Variants in DNAH7 observed in about 807,000 individuals in gnomAD.
DNAH7 encodes the protein axonemal beta dynein heavy chain 7.
Under a neutral mutation model 444.6 loss-of-function variants are expected in DNAH7, and 397 were observed. The observed-to-expected ratio is 0.89, with a 90% CI of 0.82 to 0.97. The LOEUF is 0.97. Ranked by LOEUF, DNAH7 falls within the 50% of genes least tolerant of loss-of-function variation. The pLI is 0.00. For synonymous variants in DNAH7, 1,636 were observed against 1,624.4 expected (o/e 1.01, Z -0.17); for missense variants, 4,902 against 4,800.8 (o/e 1.02, Z -0.62).
chr2:195,909,993 T>C, intron 25 of DNAH7, 34 bp downstream of exon 25: 6 of 1,583,808 alleles, frequency 3.8e-6, no homozygotes, highest in Non-Finnish European at 5.2e-6. Flanking sequence ...TGATCAGTTA[T>C]CCTGTTGTAA....
chr2:195,802,248 C>T (rs753194249), intron 54 of DNAH7, among the ~76,000 whole-genome samples: 3 of 152,192 alleles, frequency 2.0e-5, no homozygotes, highest in Non-Finnish European at 4.4e-5. Flanking sequence ...TGGTGGCTCA[C>T]ACCTGTGATC....
chr2:196,024,996 T>C (rs932201240), intron 7 of DNAH7, among the ~76,000 whole-genome samples: 4 of 152,092 alleles, frequency 2.6e-5, no homozygotes, highest in African/African-American at 7.2e-5. Context: ...CAAATAAAAA[T>C]ATACAGTGTA....
intron 31 of DNAH7, among the ~76,000 whole-genome samples, chr2:195,889,798 G>A (rs1009115164): frequency 6.6e-6 from 1 of 152,078 alleles, no homozygotes; most frequent in African/African-American, 2.4e-5. Context: ...TTCACTGAAT[G>A]AATTCACACA....
chr2:195,834,498 T>A lies in DNAH7; in HGVS notation c.8946-138A>T, dbSNP rs567164389. The A allele has an allele frequency of 3.1e-6, 3 of 965,168 alleles. No homozygotes were observed. In the East Asian group the frequency reaches 8.0e-5, roughly 26 times the overall value. The allele number at this position is 965,168 out of a possible 1,614,324, so 59.8% of individuals were successfully genotyped here. A position where few individuals can be genotyped will look rare whatever the true frequency, so the allele number is the denominator to read the frequency against. ...TTACTTTTTAACTTATGAGAAACTA[T>A]GTTCTTAAAACAGAGACGTGTAGAT... On this transcript the variant is annotated intron_variant, in intron 47 of 64. Coordinates refer to ENST00000312428, the MANE Select transcript of DNAH7 (RefSeq NM_018897.3).
rs1315953058 is a variant in DNAH7 at position 195,799,475 on chromosome 2, A to AGTTG, written c.10177-4_10177-3insCAAC. On this transcript the variant is annotated splice_region_variant and splice_polypyrimidine_tract_variant and intron_variant, in intron 54 of 64. Transcript: ENST00000312428. The stretch of plus-strand genomic sequence containing the variant: ...AATTCCTGCAACATTGGAATAACCT[A>AGTTG]GAAAGAGACAAGGATATAGTTGGAA... The AGTTG allele has an allele frequency of 1.0e-5, 16 of 1,590,240 alleles. No homozygotes were observed. The highest frequency in any genetic ancestry group is 1.4e-5 in the Non-Finnish European group (16 of 1,169,602).
intron 61 of DNAH7, among the ~76,000 whole-genome samples, chr2:195,762,288 C>A (rs890469952): frequency 6.6e-6 from 1 of 151,916 alleles, no homozygotes. Flanking sequence ...AACATACTAC[C>A]AGAGAAAAAT....
chr2:195,905,590 C>CCA (rs1686965108), intron 27 of DNAH7: 1 of 152,018 alleles, frequency 6.6e-6, no homozygotes. Context: ...GGTTTTGGAT[C>CCA]CACAATTACT....
chr2:195,797,759 T>C (rs1000937997), intron 55 of DNAH7, among the ~76,000 whole-genome samples: 1 of 152,188 alleles, frequency 6.6e-6, no homozygotes, highest in Non-Finnish European at 1.5e-5. Context: ...TTATAAATTA[T>C]AGGTCAGATC....
At chr2:195,940,964 C>T (rs1486289622) in intron 19 of DNAH7, among the ~76,000 whole-genome samples, 8 of 152,112 alleles carry the variant, frequency 5.3e-5, no homozygotes, top group South Asian at 2.1e-4. Flanking sequence ...GACAGTGTGG[C>T]GATTCCTCAA....
At chr2:196,011,068 G>A (rs1694703837) in intron 10 of DNAH7, among the ~76,000 whole-genome samples, 1 of 152,064 alleles carries the variant, frequency 6.6e-6, no homozygotes, top group African/African-American at 2.4e-5. Context: ...GTTGATAGAA[G>A]GAATAAGTTC....
At chr2:195,754,687 A>G (rs748784929) in intron 62 of DNAH7, among the ~76,000 whole-genome samples, 173 bp from the exon 63 acceptor site, 2 of 151,530 alleles carry the variant, frequency 1.3e-5, no homozygotes, top group Non-Finnish European at 2.9e-5. Flanking sequence ...ATTTTTTTGT[A>G]TTTTTAGTTG....
intron 58 of DNAH7, among the ~76,000 whole-genome samples, chr2:195,781,744 C>A (rs990326420): frequency 4.0e-5 from 6 of 151,224 alleles, no homozygotes; most frequent in Non-Finnish European, 7.4e-5. Context: ...AAATGAAGAT[C>A]TCTATCTACT....
At chr2:195,766,307 G>A (rs1156566652) in intron 61 of DNAH7, among the ~76,000 whole-genome samples, 2 of 150,940 alleles carry the variant, frequency 1.3e-5, no homozygotes, top group Non-Finnish European at 3.0e-5. Flanking sequence ...CCAAATAGCT[G>A]GGATTACAGG....
At chr2:195,883,316 G>A (rs528477231) in intron 35 of DNAH7, among the ~76,000 whole-genome samples, 2 of 152,006 alleles carry the variant, frequency 1.3e-5, no homozygotes, top group Non-Finnish European at 2.9e-5. Context: ...GCATGGTGGC[G>A]GGTGCCTGTA....
intron 10 of DNAH7, among the ~76,000 whole-genome samples, chr2:196,003,162 C>CA (rs796806394): frequency 0.18 from 21,726 of 118,610 alleles, 1,746 homozygotes; most frequent in Non-Finnish European, 0.23. Flanking sequence ...GCAATTTCAC[C>CA]AAAAAAAAAA....
intron 10 of DNAH7, 46 bp downstream of exon 10, chr2:196,012,741 A>G: frequency 1.3e-6 from 2 of 1,585,608 alleles, no homozygotes; most frequent in East Asian, 2.3e-5. Flanking sequence ...GCCCACAATC[A>G]TATTTTTAAA....
intron 1 of DNAH7, among the ~76,000 whole-genome samples, chr2:196,061,072 C>G (rs1698106561): frequency 6.6e-6 from 1 of 152,090 alleles, no homozygotes; most frequent in Non-Finnish European, 1.5e-5. Flanking sequence ...ATATGCATTA[C>G]CCCACATACT....
chr2:195,810,655 G>A (rs1444686624), intron 51 of DNAH7, among the ~76,000 whole-genome samples: 3 of 146,304 alleles, frequency 2.1e-5, no homozygotes, highest in South Asian at 2.1e-4. Flanking sequence ...TTTTCCTTAC[G>A]TGCCTATTTT....
intron 47 of DNAH7, among the ~76,000 whole-genome samples, chr2:195,837,819 A>C (rs1698456244): frequency 6.6e-6 from 1 of 152,188 alleles, no homozygotes; most frequent in Non-Finnish European, 1.5e-5. Flanking sequence ...TGTTGTACAC[A>C]GAATGTAAGG....
Sources: allele counts gnomAD v4.1 joint callset (sites outside exome capture counted in the v4.1 genomes callset), GRCh38; gene constraint gnomAD v4.1.1; transcripts MANE v1.5; gene names NCBI Gene and HGNC (gene_info 2026-07-23, HGNC 2026-07-21).